RBFOX1: variants seen among roughly 807,000 people sequenced by gnomAD.
RBFOX1 encodes RNA binding fox-1 homolog 1.
Under a neutral mutation model 57.7 loss-of-function variants are expected in RBFOX1, and 8 were observed. That is an observed-to-expected ratio of 0.14 (90% CI 0.08 to 0.25). The LOEUF (loss-of-function observed/expected upper bound fraction) is 0.25. Ranked by LOEUF, RBFOX1 falls within the 10% of genes least tolerant of loss-of-function variation. RBFOX1 has a pLI of 1.00. For missense variants in RBFOX1, 611 were observed against 548.5 expected, an observed-to-expected ratio of 1.11 and a Z score of -1.14; for synonymous variants, 326 against 222.4, an observed-to-expected ratio of 1.47 and a Z score of -4.15.
At chr16:7,068,223 T>C (rs569104992) in intron 4 of RBFOX1, among the ~76,000 whole-genome samples, 1 of 152,258 alleles carries the variant, frequency 6.6e-6, no homozygotes, top group East Asian at 1.9e-4. Flanking sequence ...AGATCTAAGA[T>C]CAGCCAGCCA....
chr16:7,601,492 T>G (rs2095021475), intron 9 of RBFOX1, among the ~76,000 whole-genome samples: 3 of 152,222 alleles, frequency 2.0e-5, no homozygotes, highest in Admixed American at 1.3e-4. Flanking sequence ...TAAGGATCAA[T>G]TCTTCAGATG....
intron 2 of RBFOX1, among the ~76,000 whole-genome samples, chr16:5,498,553 G>T (rs1235957750): frequency 6.6e-6 from 1 of 152,220 alleles, no homozygotes; most frequent in Non-Finnish European, 1.5e-5. Flanking sequence ...ATAAAGGGTG[G>T]TGGGAGGAAA....
chr16:6,053,038 G>C (rs1222468572), intron 1 of RBFOX1, among the ~76,000 whole-genome samples: 2 of 151,962 alleles, frequency 1.3e-5, no homozygotes, highest in Admixed American at 1.3e-4. Context: ...ATTTTACCTG[G>C]ATCTTGCATT....
At chr16:6,510,849 A>C (rs1478223309) in intron 2 of RBFOX1, among the ~76,000 whole-genome samples, 1 of 150,030 alleles carries the variant, frequency 6.7e-6, no homozygotes, top group Non-Finnish European at 1.5e-5. Flanking sequence ...TTAGTGCTGC[A>C]CCCTTAAAAA....
intron 3 of RBFOX1, among the ~76,000 whole-genome samples, chr16:6,915,389 C>T (rs1416255205): frequency 6.6e-6 from 1 of 152,192 alleles, no homozygotes; most frequent in African/African-American, 2.4e-5. Context: ...GCTTCCCAAG[C>T]ATGTCACTTC....
At chr16:6,786,777 A>C (rs117725845) in intron 3 of RBFOX1, among the ~76,000 whole-genome samples, 2 of 152,176 alleles carry the variant, frequency 1.3e-5, no homozygotes, top group African/African-American at 2.4e-5. Context: ...ACTCCACCCA[A>C]TGGAAGTGGA....
At chr16:7,667,934 A>C (rs2069952137) in intron 13 of RBFOX1, among the ~76,000 whole-genome samples, 1 of 152,176 alleles carries the variant, frequency 6.6e-6, no homozygotes. Flanking sequence ...TCGGTCTCCC[A>C]AAGTGCTACG....
intron 3 of RBFOX1, among the ~76,000 whole-genome samples, chr16:7,046,716 C>T (rs1036260356): frequency 2.7e-5 from 4 of 149,932 alleles, no homozygotes; most frequent in Non-Finnish European, 4.4e-5. Flanking sequence ...AACGATTCTC[C>T]TGCCTCAGCC....
chr16:6,801,507 C>T (rs2085441991), intron 3 of RBFOX1, among the ~76,000 whole-genome samples: 1 of 152,078 alleles, frequency 6.6e-6, no homozygotes, highest in African/African-American at 2.4e-5. Context: ...CAATAAAATT[C>T]TGCTTGTCAT....
chr16:5,750,919 G>C (rs372809400), intron 3 of RBFOX1, among the ~76,000 whole-genome samples: 4 of 152,316 alleles, frequency 2.6e-5, no homozygotes, highest in African/African-American at 9.6e-5. Flanking sequence ...CCGGTACTGG[G>C]AAATTCAGAA....
chr16:6,677,890 G>A (rs2058014635), intron 3 of RBFOX1, among the ~76,000 whole-genome samples: 1 of 152,250 alleles, frequency 6.6e-6, no homozygotes, highest in African/African-American at 2.4e-5. Flanking sequence ...AATTTTAGGA[G>A]CAATTTTTGT....
intron 1 of RBFOX1, among the ~76,000 whole-genome samples, chr16:5,300,326 C>T (rs1034785916): frequency 1.3e-5 from 2 of 151,998 alleles, no homozygotes; most frequent in African/African-American, 2.4e-5. Context: ...GACACAAGGG[C>T]ATAAGAATGA....
chr16:7,521,763 C>T (rs2077556128), intron 5 of RBFOX1, among the ~76,000 whole-genome samples: 1 of 152,188 alleles, frequency 6.6e-6, no homozygotes. Flanking sequence ...TTATACCTTT[C>T]AGAGACTTCT....
rs143463343 is a variant in RBFOX1, at chr16:6,136,679, A to T, written c.-127+116687A>T. Among the ~76,000 whole-genome samples, 269 of 152,252 alleles carry T rather than the reference A, an allele frequency of 1.8e-3. 1 individual carries two copies. The highest frequency in any genetic ancestry group is 6.2e-3 in the African/African-American group (258 of 41,552). On this transcript the variant is annotated intron_variant, in intron 1 of 15. Coordinates refer to ENST00000550418, the MANE Select transcript of RBFOX1 (RefSeq NM_018723.4). ...ACAAAATGCACAAAAGGAAATGATG[A>T]TGTGTTTTATTCATAAGGAAGCATT...
chr16:7,434,821 C>A (rs1006806552), intron 4 of RBFOX1, among the ~76,000 whole-genome samples: 1 of 151,700 alleles, frequency 6.6e-6, no homozygotes, highest in Non-Finnish European at 1.5e-5. Context: ...CTCACTGCAA[C>A]CTCTGCCTCC....
intron 1 of RBFOX1, among the ~76,000 whole-genome samples, chr16:6,258,004 C>T (rs896087288): frequency 3.3e-5 from 5 of 152,110 alleles, no homozygotes; most frequent in African/African-American, 7.2e-5. Context: ...CGCCACACTG[C>T]CTTCTACAAA....
intron 4 of RBFOX1, among the ~76,000 whole-genome samples, chr16:7,349,337 G>C (rs144066682): frequency 6.6e-6 from 1 of 152,174 alleles, no homozygotes; most frequent in African/African-American, 2.4e-5. Flanking sequence ...GCGCAAGATC[G>C]GTTTTCAATT....
At chr16:6,556,375 C>T (rs1485417972) in intron 2 of RBFOX1, among the ~76,000 whole-genome samples, 1 of 152,150 alleles carries the variant, frequency 6.6e-6, no homozygotes, top group Non-Finnish European at 1.5e-5. Context: ...GCCGGCTCTC[C>T]TTTTATTCTG....
At chr16:6,933,427 T>A (rs942822904) in intron 3 of RBFOX1, among the ~76,000 whole-genome samples, 29 of 152,218 alleles carry the variant, frequency 1.9e-4, no homozygotes, top group African/African-American at 6.5e-4. Context: ...ATAATGGCCA[T>A]CCTGGCCAGG....
Sources: allele counts gnomAD v4.1 joint callset (sites outside exome capture counted in the v4.1 genomes callset), GRCh38; gene constraint gnomAD v4.1.1; transcripts MANE v1.5; gene names NCBI Gene and HGNC (gene_info 2026-07-23, HGNC 2026-07-21).